The following YAE1 variants were observed in gnomAD, a reference collection of about 807,000 sequenced individuals.
The protein encoded by YAE1 is protein YAE1 homolog.
YAE1 carries 22 observed loss-of-function variants against 23.0 expected under a neutral mutation model. The ratio of observed to expected loss-of-function variants is 0.96; its 90% confidence interval spans 0.68 to 1.37. The LOEUF is 1.37. YAE1 is among the 40% of genes most tolerant of loss of function. YAE1 has a pLI of 0.00. For missense variants in YAE1, 260 were observed against 262.1 expected (o/e 0.99, Z 0.06); for synonymous variants, 101 against 97.0 (o/e 1.04, Z -0.24).
chr7:39,603,744 T>C (rs2115847814), intron 2 of YAE1, among the ~76,000 whole-genome samples: 1 of 152,280 alleles, frequency 6.6e-6, no homozygotes, highest in African/African-American at 2.4e-5. Flanking sequence ...ACACAAAGTT[T>C]AGTGTGTATT....
intron 2 of YAE1, among the ~76,000 whole-genome samples, chr7:39,571,276 C>CTTTTTTT (rs58497539): frequency 2.2e-5 from 3 of 135,980 alleles, no homozygotes; most frequent in African/African-American, 2.7e-5. Context: ...TTTCTTTTTT[C>CTTTTTTT]TTTTTTTTTT....
intron 2 of YAE1, among the ~76,000 whole-genome samples, chr7:39,578,101 T>C (rs1338215998): frequency 6.6e-6 from 1 of 152,130 alleles, no homozygotes; most frequent in African/African-American, 2.4e-5. Context: ...TGTGTCTAGC[T>C]AATCTGGTGG....
At chr7:39,585,100 T>C (rs1790796803) in intron 2 of YAE1, among the ~76,000 whole-genome samples, 1 of 152,226 alleles carries the variant, frequency 6.6e-6, no homozygotes, top group Non-Finnish European at 1.5e-5. Context: ...CAACACATTG[T>C]TCTTAGACCA....
At chr7:39,607,735 C>G (rs1480316479) in intron 2 of YAE1, among the ~76,000 whole-genome samples, 4 of 152,252 alleles carry the variant, frequency 2.6e-5, no homozygotes, top group Admixed American at 2.6e-4. Flanking sequence ...ATGGCACAAT[C>G]TTGGCTCACT....
At chr7:39,573,470 ATATTCT>A (rs1319769598), downstream of YAE1, among the ~76,000 whole-genome samples, 1 of 152,168 alleles carries the variant, frequency 6.6e-6, no homozygotes. Flanking sequence ...CCTTGAGGTA[ATATTCT>A]TAGTCTAGCA....
At chr7:39,611,473 G>T (rs1039858973), downstream of YAE1, among the ~76,000 whole-genome samples, 1 of 152,198 alleles carries the variant, frequency 6.6e-6, no homozygotes, top group East Asian at 1.9e-4. Flanking sequence ...GCCGAGGCAG[G>T]CTCCCCTGGC....
intron 2 of YAE1, among the ~76,000 whole-genome samples, chr7:39,589,793 T>C (rs763916539): frequency 1.2e-4 from 18 of 152,318 alleles, no homozygotes; most frequent in Non-Finnish European, 1.5e-4. Flanking sequence ...ATTCCAGGAA[T>C]GCAGCTGCAG....
At chr7:39,587,429 C>G (rs1790836008) in intron 2 of YAE1, among the ~76,000 whole-genome samples, 1 of 152,084 alleles carries the variant, frequency 6.6e-6, no homozygotes, top group Non-Finnish European at 1.5e-5. Flanking sequence ...TTCAGTTAAT[C>G]TTTACCACCC....
chr7:39,588,328 A>G (rs1400877954), intron 2 of YAE1, among the ~76,000 whole-genome samples: 1 of 152,140 alleles, frequency 6.6e-6, no homozygotes, highest in Non-Finnish European at 1.5e-5. Flanking sequence ...CCTGGCCAAC[A>G]TGGTGAAACC....
downstream of YAE1, among the ~76,000 whole-genome samples, chr7:39,577,029 G>A (rs1015666398): frequency 6.6e-6 from 1 of 152,018 alleles, no homozygotes; most frequent in African/African-American, 2.4e-5. Flanking sequence ...TAAGTAGCTG[G>A]GATTACAGGG....
intron 2 of YAE1, among the ~76,000 whole-genome samples, chr7:39,589,876 C>T (rs1010136677): frequency 2.0e-5 from 3 of 152,116 alleles, no homozygotes; most frequent in African/African-American, 7.2e-5. Context: ...TGCTTAGAGG[C>T]GGTAGACAGA....
At chr7:39,602,196 T>C (rs1227019142) in intron 2 of YAE1, among the ~76,000 whole-genome samples, 1 of 152,190 alleles carries the variant, frequency 6.6e-6, no homozygotes, top group Non-Finnish European at 1.5e-5. Flanking sequence ...TAAGAGAACA[T>C]CTGGTTAGAG....
chr7:39,600,617 G>A (rs1417355102), intron 2 of YAE1, among the ~76,000 whole-genome samples: 1 of 152,006 alleles, frequency 6.6e-6, no homozygotes, highest in African/African-American at 2.4e-5. Flanking sequence ...GGCTGGTCTC[G>A]AACTCCTGAC....
intron 1 of YAE1, chr7:39,570,005 T>A: frequency 7.4e-7 from 1 of 1,352,498 alleles, no homozygotes; most frequent in Non-Finnish European, 1.1e-6. Context: ...ACTTTCCCAT[T>A]CCGGTTAATG....
In YAE1 at chr7:39,570,637, A is replaced by T; in HGVS notation, c.251+10A>T. The T allele has an allele frequency of 6.3e-7, 1 of 1,589,090 alleles. No homozygotes were observed. The highest frequency in any genetic ancestry group is 8.5e-7 in the Non-Finnish European group (1 of 1,174,358). On this transcript the variant is annotated intron_variant, in intron 2 of 2. Transcript: ENST00000223273. ...TCCGAGGAACATTGAGGTAATTTTT[A>T]AAGTCTAAATGCTGAATCATTTTAA...
chr7:39,571,468 G>A (rs910733393), intron 2 of YAE1, among the ~76,000 whole-genome samples: 1 of 151,760 alleles, frequency 6.6e-6, no homozygotes, highest in Non-Finnish European at 1.5e-5. Context: ...AAGAGTAGAT[G>A]ATAAAAGTTA....
chr7:39,579,058 G>A (rs1378747829), intron 2 of YAE1, among the ~76,000 whole-genome samples: 3 of 152,212 alleles, frequency 2.0e-5, no homozygotes, highest in African/African-American at 7.2e-5. Context: ...TCTAATAACA[G>A]TAAGGAGCTG....
At chr7:39,570,738 C>T (rs1442221755) in intron 2 of YAE1, 111 bp downstream of exon 2, 3 of 1,349,698 alleles carry the variant, frequency 2.2e-6, no homozygotes, top group Non-Finnish European at 3.0e-6. Flanking sequence ...GCTAAATACA[C>T]TAAAGCGTGT....
chr7:39,609,844 C>A, exon 3 of YAE1: 2 of 1,533,152 alleles, frequency 1.3e-6, no homozygotes, highest in Non-Finnish European at 8.7e-7. Context: ...CCTGGGACGC[C>A]GAGCCACCGC....
Sources: gnomAD v4.1 joint callset for allele counts (sites outside exome capture counted in the v4.1 genomes callset) on GRCh38, gnomAD v4.1.1 for gene constraint, MANE v1.5 for transcripts, NCBI Gene and HGNC (gene_info 2026-07-23, HGNC 2026-07-21) for gene names.